The following SIGLECL1 variants were observed in gnomAD, a reference collection of about 807,000 sequenced individuals.
SIGLECL1 encodes SIGLEC family-like protein 1.
In SIGLECL1, 16 loss-of-function variants were observed where a neutral mutation model predicts 19.1. The observed-to-expected ratio is 0.84, with a 90% CI of 0.57 to 1.27. The LOEUF (loss-of-function observed/expected upper bound fraction) is 1.27. SIGLECL1 is among the 50% of genes most tolerant of loss of function. The pLI is 0.00. For missense variants in SIGLECL1, 210 were observed against 239.4 expected, an observed-to-expected ratio of 0.88 and a Z score of 0.81; for synonymous variants, 89 against 90.4, an observed-to-expected ratio of 0.98 and a Z score of 0.09.
chr19:51,257,363 T>C (rs2123401965), intron 1 of SIGLECL1, among the ~76,000 whole-genome samples: 1 of 150,028 alleles, frequency 6.7e-6, no homozygotes, highest in South Asian at 2.1e-4. Flanking sequence ...CTGTGAATGC[T>C]CCGTTGCACT....
rs190540910 is a variant in SIGLECL1 at position 51,265,923 on chromosome 19, G to A, written c.410+41G>A. On this transcript the variant is annotated intron_variant, in intron 4 of 5. Coordinates refer to ENST00000601727, the MANE Select transcript of SIGLECL1 (RefSeq NM_001385465.1). ...AATATTCACCCGCAAGCCTACTACCGGGCAGGCCCTGGCTGCAGCCCTGGC... is the reference window on the plus strand; with the variant it reads ...AATATTCACCCGCAAGCCTACTACCAGGCAGGCCCTGGCTGCAGCCCTGGC... 1.4e-5 allele frequency: 22 copies of A among 1,602,598 alleles called. No homozygotes were observed. In the East Asian group the frequency reaches 1.8e-4, roughly 13 times the overall value.
At chr19:51,266,574 G>C (rs974171605) in intron 4 of SIGLECL1, among the ~76,000 whole-genome samples, 3 of 151,966 alleles carry the variant, frequency 2.0e-5, no homozygotes, top group Non-Finnish European at 4.4e-5. Context: ...TTCAGATAAG[G>C]GATATCTAAC....
In SIGLECL1 at chr19:51,267,505, C is replaced by A; in HGVS notation, c.543C>A (p.Ala181=). 1 of 1,614,158 alleles carries A rather than the reference C, an allele frequency of 6.2e-7. No homozygotes were observed. Among genetic ancestry groups the A allele is most frequent in the South Asian group, 1.1e-5 (1 of 91,078 alleles). ...KPEEPGKPVV[A]TFSESRILEK... is the part of the protein sequence containing the mutation. Reference sequence around the variant, plus strand: ...AGGAACCAGGAAAACCCGTAGTCGCCACATTTTCTGAGAGCCGGATATTGG... The same window carrying A: ...AGGAACCAGGAAAACCCGTAGTCGCAACATTTTCTGAGAGCCGGATATTGG... Residue 181 remains alanine, a synonymous_variant, in exon 5 of 6, where the codon GCC becomes GCA. Coordinates refer to ENST00000601727, the MANE Select transcript of SIGLECL1 (RefSeq NM_001385465.1).
chr19:51,265,461 G>A lies in SIGLECL1; in HGVS notation c.116G>A (p.Trp39Ter). Residue 39 changes from tryptophan (W) to a stop codon, truncating the protein, a stop_gained, in exon 3 of 6, where the codon TGG (tryptophan) becomes TAG (stop). Transcript: ENST00000601727. LOFTEE classifies it high-confidence loss of function. ...GGGATTCCCACACCCTCTGTGCAGT[G>A]GTGGATGGGAGGAGTCCCCGTGGGT... ...FHGIPTPSVQ[W>*]WMGGVPVGVD... is the part of the protein sequence containing the mutation. 1 of 1,614,158 alleles carries A rather than the reference G, an allele frequency of 6.2e-7. No individual in the cohort carries two copies. Among genetic ancestry groups the A allele is most frequent in the East Asian group, 2.2e-5 (1 of 44,878 alleles).
chr19:51,260,762 C>G (rs1983152557), intron 1 of SIGLECL1, among the ~76,000 whole-genome samples: 1 of 152,184 alleles, frequency 6.6e-6, no homozygotes, highest in African/African-American at 2.4e-5. Flanking sequence ...ATGGTTTTAA[C>G]AGGCATTTTG....
At chr19:51,252,373 C>G (rs78561654) in intron 1 of SIGLECL1, among the ~76,000 whole-genome samples, 8,502 of 151,506 alleles carry the variant, frequency 0.056, 298 homozygotes, top group Non-Finnish European at 0.083. Context: ...TGCTCTAAAA[C>G]TGATGGAGAG....
intron 1 of SIGLECL1, among the ~76,000 whole-genome samples, chr19:51,258,191 G>C (rs1213440515): frequency 6.6e-6 from 1 of 152,160 alleles, no homozygotes; most frequent in Non-Finnish European, 1.5e-5. Flanking sequence ...AATGATTTGA[G>C]AAATGAGGGT....
chr19:51,267,457 A>C lies in SIGLECL1; in HGVS notation c.495A>C (p.Glu165Asp). 6.2e-7 allele frequency: 1 copy of C among 1,614,184 alleles called. No individual in the cohort carries two copies. The highest frequency in any genetic ancestry group is 2.2e-5 in the East Asian group (1 of 44,892). The change falls in exon 5 of 6, where the codon GAA (glutamate) becomes GAC (aspartate). Residue 165 changes from glutamate to aspartate, a missense_variant. Coordinates refer to ENST00000601727, the MANE Select transcript of SIGLECL1 (RefSeq NM_001385465.1). ...KKSSKVRASQ[E>D]LEMSLKPEEP... ...GCTCTAAAGTCAGAGCAAGCCAAGAACTTGAGATGTCTCTGAAGCCTGAGG... is the reference window on the plus strand; with the variant it reads ...GCTCTAAAGTCAGAGCAAGCCAAGACCTTGAGATGTCTCTGAAGCCTGAGG...
At chr19:51,262,348 T>C (rs115163868) in intron 1 of SIGLECL1, among the ~76,000 whole-genome samples, 2,154 of 152,292 alleles carry the variant, frequency 0.014, 48 homozygotes, top group African/African-American at 0.05. Flanking sequence ...GTGTAAAATA[T>C]ATACAAGATT....
At chr19:51,253,672 A>G (rs138509355) in intron 1 of SIGLECL1, among the ~76,000 whole-genome samples, 112 of 152,350 alleles carry the variant, frequency 7.4e-4, no homozygotes, top group Non-Finnish European at 1.4e-3. Context: ...ATTTATTCTT[A>G]TATTTTATTC....
chr19:51,256,091 G>GCACACA (rs35513106), intron 1 of SIGLECL1: 3 of 149,726 alleles, frequency 2.0e-5, no homozygotes, highest in Non-Finnish European at 4.5e-5. Flanking sequence ...ACACATGCAC[G>GCACACA]CACACACACA....
chr19:51,249,396 T>C (rs1982365537), upstream of SIGLECL1, among the ~76,000 whole-genome samples: 2 of 151,940 alleles, frequency 1.3e-5, no homozygotes, highest in Non-Finnish European at 2.9e-5. Context: ...TGGGGCCTGC[T>C]CTGCAAGCTG....
intron 1 of SIGLECL1, among the ~76,000 whole-genome samples, chr19:51,255,294 A>C (rs1982733725): frequency 6.6e-6 from 1 of 152,096 alleles, no homozygotes; most frequent in Non-Finnish European, 1.5e-5. Flanking sequence ...AAATATAAGA[A>C]CTGAGATTGT....
In SIGLECL1 at chr19:51,267,474, A is replaced by G; in HGVS notation, c.512A>G (p.Lys171Arg). Residue 171 changes from lysine (K) to arginine (R), a missense_variant, in exon 5 of 6, where the codon AAG becomes AGG. By Grantham distance (26) the Lys-to-Arg change is conservative. Coordinates refer to ENST00000601727, the MANE Select transcript of SIGLECL1 (RefSeq NM_001385465.1). Reference sequence around the variant, plus strand: ...AGCCAAGAACTTGAGATGTCTCTGAAGCCTGAGGAACCAGGAAAACCCGTA... The same window carrying G: ...AGCCAAGAACTTGAGATGTCTCTGAGGCCTGAGGAACCAGGAAAACCCGTA... The part of the protein sequence containing the change: ...RASQELEMSL[K>R]PEEPGKPVVA... 2 of 1,614,254 alleles carry G rather than the reference A, an allele frequency of 1.2e-6. No individual in the cohort carries two copies. Among genetic ancestry groups the G allele is most frequent in the Non-Finnish European group, 1.7e-6 (2 of 1,180,038 alleles).
Position 51,263,956 on chromosome 19 carries a change from C to T in SIGLECL1, c.-117C>T. ...AAAGATACTTCTGCTCTCCCCATCC[C>T]CACATCCTCTTTCAGTTACGCATCA... On this transcript the variant is annotated 5_prime_UTR_variant, in exon 2 of 6. Transcript: ENST00000601727. 1 of 1,333,804 alleles carries T rather than the reference C, an allele frequency of 7.5e-7. No individual in the cohort carries two copies. Among genetic ancestry groups the T allele is most frequent in the Non-Finnish European group, 1.0e-6 (1 of 953,286 alleles). 82.6% of individuals were successfully genotyped at this position (1,333,804 alleles called of 1,614,324 possible). A position where few individuals can be genotyped will look rare whatever the true frequency, so the allele number is the denominator to read the frequency against.
Position 51,264,078 on chromosome 19 carries a change from T to C in SIGLECL1, c.6T>C (p.Leu2=). 6.2e-7 allele frequency: 1 copy of C among 1,614,064 alleles called. No individual in the cohort carries two copies. Among genetic ancestry groups the C allele is most frequent in the South Asian group, 1.1e-5 (1 of 91,056 alleles). Residue 2 remains leucine, a synonymous_variant, in exon 2 of 6, where the codon CTT becomes CTC. Coordinates refer to ENST00000601727, the MANE Select transcript of SIGLECL1 (RefSeq NM_001385465.1). The stretch of plus-strand genomic sequence containing the variant: ...AACTGTTGCTGCTGGAAGTGATGCT[T>C]CCACTGCTACAGCTGGGTAAGTAAG... M[L]PLLQLVPAKL... is the part of the protein sequence containing the mutation.
intron 1 of SIGLECL1, among the ~76,000 whole-genome samples, chr19:51,257,365 C>T (rs982539712): frequency 1.3e-5 from 2 of 151,068 alleles, no homozygotes; most frequent in South Asian, 2.1e-4. Context: ...GTGAATGCTC[C>T]GTTGCACTCC....
intron 1 of SIGLECL1, among the ~76,000 whole-genome samples, chr19:51,263,413 A>C (rs1983378058): frequency 6.6e-6 from 1 of 152,220 alleles, no homozygotes; most frequent in Non-Finnish European, 1.5e-5. Flanking sequence ...ACACTTTGCT[A>C]TCTTAAGTGA....
intron 1 of SIGLECL1, among the ~76,000 whole-genome samples, chr19:51,256,717 G>A (rs929625314): frequency 3.3e-5 from 5 of 152,162 alleles, no homozygotes; most frequent in Non-Finnish European, 5.9e-5. Flanking sequence ...TTAATTCACT[G>A]GATTGTGGTA....
Sources: allele counts gnomAD v4.1 joint callset (sites outside exome capture counted in the v4.1 genomes callset), GRCh38; gene constraint gnomAD v4.1.1; transcripts MANE v1.5; gene names NCBI Gene and HGNC (gene_info 2026-07-23, HGNC 2026-07-21).